CTNNBL1: variants seen among roughly 807,000 people sequenced by gnomAD.
The protein encoded by CTNNBL1 is beta-catenin-like protein 1.
In CTNNBL1, 31 loss-of-function variants were observed where a neutral mutation model predicts 72.7. The observed-to-expected ratio is 0.43, with a 90% CI of 0.32 to 0.58. The LOEUF is 0.58. Ranked by LOEUF, CTNNBL1 falls within the 20% of genes least tolerant of loss-of-function variation. The pLI is 0.08. For missense variants in CTNNBL1, 534 were observed against 725.1 expected (o/e 0.74, Z 3.03); for synonymous variants, 240 against 267.3 (o/e 0.90, Z 1.00).
At chr20:37,700,589 C>T (rs1305208163) in intron 1 of CTNNBL1, among the ~76,000 whole-genome samples, 1 of 152,108 alleles carries the variant, frequency 6.6e-6, no homozygotes, top group East Asian at 1.9e-4. Flanking sequence ...AGTTATGTTC[C>T]CAATATGGAA....
chr20:37,757,518 T>G (rs768879837), intron 4 of CTNNBL1, 41 bp from the exon 5 acceptor site: 72 of 1,397,570 alleles, frequency 5.2e-5, no homozygotes, highest in Middle Eastern at 1.8e-4. Flanking sequence ...AAAATACTGG[T>G]ACCGTTTCAG....
At chr20:37,812,738 A>G (rs1410616030) in intron 11 of CTNNBL1, among the ~76,000 whole-genome samples, 1 of 152,270 alleles carries the variant, frequency 6.6e-6, no homozygotes, top group Non-Finnish European at 1.5e-5. Context: ...AGGGAGACAT[A>G]GAAACCTGCA....
chr20:37,762,627 T>A (rs1177086747), intron 5 of CTNNBL1, among the ~76,000 whole-genome samples: 2 of 152,148 alleles, frequency 1.3e-5, no homozygotes, highest in Non-Finnish European at 2.9e-5. Context: ...GTTTCAGACT[T>A]TGTCACAGGT....
At chr20:37,786,277 C>G (rs1048267219) in intron 10 of CTNNBL1, among the ~76,000 whole-genome samples, 2 of 152,188 alleles carry the variant, frequency 1.3e-5, no homozygotes, top group African/African-American at 4.8e-5. Flanking sequence ...TGCCTGTGTT[C>G]ATTCATGGCC....
chr20:37,799,852 A>G (rs2073809177), intron 10 of CTNNBL1, among the ~76,000 whole-genome samples: 1 of 152,312 alleles, frequency 6.6e-6, no homozygotes, highest in East Asian at 1.9e-4. Flanking sequence ...ATGAAGTAGG[A>G]TGGCCAACGC....
intron 1 of CTNNBL1, among the ~76,000 whole-genome samples, chr20:37,725,952 C>A (rs2073080759): frequency 2.0e-5 from 3 of 152,060 alleles, no homozygotes; most frequent in Admixed American, 2.0e-4. Flanking sequence ...CCACTGCATT[C>A]CAGCCTGGGT....
chr20:37,842,853 G>T (rs369880125), intron 13 of CTNNBL1, among the ~76,000 whole-genome samples: 1 of 152,232 alleles, frequency 6.6e-6, no homozygotes, highest in South Asian at 2.1e-4. Flanking sequence ...CTGGAATCCA[G>T]TTACCCCATT....
intron 11 of CTNNBL1, among the ~76,000 whole-genome samples, chr20:37,837,502 A>G (rs570559918): frequency 1.3e-5 from 2 of 152,194 alleles, no homozygotes; most frequent in Non-Finnish European, 2.9e-5. Context: ...CCAATTAGAA[A>G]TATGTTATTG....
intron 1 of CTNNBL1, among the ~76,000 whole-genome samples, chr20:37,722,346 C>T (rs901432615): frequency 6.6e-6 from 1 of 152,078 alleles, no homozygotes; most frequent in Non-Finnish European, 1.5e-5. Flanking sequence ...TGGTAGTGCA[C>T]GCCTGTAGTC....
At chr20:37,814,196 G>T (rs564683249) in intron 11 of CTNNBL1, among the ~76,000 whole-genome samples, 88 of 152,258 alleles carry the variant, frequency 5.8e-4, no homozygotes, top group African/African-American at 1.9e-3. Flanking sequence ...TCTGCTTTTG[G>T]TTTGTTTTGG....
chr20:37,734,257 A>G (rs1331453465), intron 2 of CTNNBL1, among the ~76,000 whole-genome samples: 2 of 152,192 alleles, frequency 1.3e-5, no homozygotes, highest in Non-Finnish European at 2.9e-5. Flanking sequence ...TACTAGTGCT[A>G]ATTTGGGGGT....
intron 1 of CTNNBL1, among the ~76,000 whole-genome samples, chr20:37,698,324 C>G (rs1320490480): frequency 6.6e-6 from 1 of 152,208 alleles, no homozygotes; most frequent in Non-Finnish European, 1.5e-5. Context: ...GCATCTCCTT[C>G]CCCATCGCAG....
chr20:37,845,599 G>A (rs970054803), intron 13 of CTNNBL1, among the ~76,000 whole-genome samples: 34 of 152,204 alleles, frequency 2.2e-4, no homozygotes, highest in African/African-American at 8.0e-4. Flanking sequence ...CTAGCACTCA[G>A]GCGCCATCCT....
intron 1 of CTNNBL1, among the ~76,000 whole-genome samples, chr20:37,731,941 G>T (rs2073132634): frequency 1.3e-5 from 2 of 152,204 alleles, no homozygotes; most frequent in Non-Finnish European, 2.9e-5. Context: ...AAGTGGGATT[G>T]CTGGATCATA....
chr20:37,791,269 T>C (rs908175050), intron 10 of CTNNBL1, among the ~76,000 whole-genome samples: 1 of 152,150 alleles, frequency 6.6e-6, no homozygotes, highest in Non-Finnish European at 1.5e-5. Context: ...AAATACTTAG[T>C]TAAATTGCTG....
At position 37,789,734 on chromosome 20, in the gene CTNNBL1, G is replaced by A. The variant is rs552670578; in HGVS notation, c.1031+10399G>A. Among the ~76,000 whole-genome samples, 196 of 152,322 alleles carry A rather than the reference G, an allele frequency of 1.3e-3. 1 individual carries two copies. Among genetic ancestry groups the A allele is most frequent in the African/African-American group, 4.7e-3 (194 of 41,578 alleles). On this transcript the variant is annotated intron_variant, in intron 10 of 15. Transcript: ENST00000361383. ...ATCATTTGCTTCTTGCCACCACAAA[G>A]CACTTTTTAACAGTATGTCCTTGTA...
chr20:37,704,829 T>G (rs549501457), intron 1 of CTNNBL1, among the ~76,000 whole-genome samples: 3 of 152,350 alleles, frequency 2.0e-5, no homozygotes, highest in African/African-American at 7.2e-5. Context: ...AACACTGTTC[T>G]TCAGTCATAG....
At chr20:37,720,742 A>G (rs186001355) in intron 1 of CTNNBL1, among the ~76,000 whole-genome samples, 108 of 152,314 alleles carry the variant, frequency 7.1e-4, no homozygotes, top group Middle Eastern at 6.8e-3. Flanking sequence ...GCTAATATAT[A>G]TAGAGCCAAA....
intron 11 of CTNNBL1, among the ~76,000 whole-genome samples, chr20:37,834,223 A>C (rs2122798757): frequency 6.6e-6 from 1 of 152,178 alleles, no homozygotes; most frequent in South Asian, 2.1e-4. Context: ...TGCCACCAGC[A>C]CCCAGCCCTC....
Sources: allele counts gnomAD v4.1 joint callset (sites outside exome capture counted in the v4.1 genomes callset), GRCh38; gene constraint gnomAD v4.1.1; transcripts MANE v1.5; gene names NCBI Gene and HGNC (gene_info 2026-07-23, HGNC 2026-07-21).